The following DHX8 variants were observed in gnomAD, a reference collection of about 807,000 sequenced individuals.
The protein encoded by DHX8 is ATP-dependent RNA helicase DHX8.
A neutral mutation model predicts 140.7 loss-of-function variants in DHX8; 67 were observed. That is an observed-to-expected ratio of 0.48 (90% confidence interval 0.39 to 0.58). DHX8 has a LOEUF of 0.58. Among genes scored for constraint, DHX8 ranks in the 20% least tolerant of loss-of-function variants. DHX8 has a pLI of 0.00. For missense variants in DHX8, 887 were observed against 1,550.7 expected, an observed-to-expected ratio of 0.57 and a Z score of 7.19; for synonymous variants, 533 against 553.2, an observed-to-expected ratio of 0.96 and a Z score of 0.51.
downstream of DHX8, chr17:43,528,637 C>A: frequency 6.2e-7 from 1 of 1,614,128 alleles, no homozygotes; most frequent in Non-Finnish European, 8.5e-7. Flanking sequence ...ACTGACAGGC[C>A]GGTCAAACTC....
chr17:43,487,059 GTTA>G (rs1968201976), intron 1 of DHX8, among the ~76,000 whole-genome samples: 1 of 152,010 alleles, frequency 6.6e-6, no homozygotes, highest in Non-Finnish European at 1.5e-5. Flanking sequence ...GCTCCCCCCA[GTTA>G]TTATTGGGTA....
intron 2 of DHX8, chr17:43,534,024 T>A: frequency 6.8e-7 from 1 of 1,473,804 alleles, no homozygotes; most frequent in Non-Finnish European, 8.9e-7. Context: ...CCAGAGCCTG[T>A]CACACAAGAG....
chr17:43,492,159 C>T (rs752073157), intron 4 of DHX8, 24 bp from the exon 5 acceptor site: 2 of 1,584,162 alleles, frequency 1.3e-6, no homozygotes, highest in Admixed American at 1.7e-5. Context: ...TTTTTCCTAA[C>T]TTTGCCGGCC....
chr17:43,486,984 T>C (rs1176242669), intron 1 of DHX8, among the ~76,000 whole-genome samples: 3 of 152,320 alleles, frequency 2.0e-5, no homozygotes, highest in African/African-American at 4.8e-5. Flanking sequence ...TGGGACTTAG[T>C]TCTCCCTCCA....
chr17:43,529,872 C>T (rs765847968), downstream of DHX8: 7 of 1,614,120 alleles, frequency 4.3e-6, no homozygotes, highest in Non-Finnish European at 5.9e-6. Context: ...CATCAACAGT[C>T]ACTTCTCTGA....
chr17:43,492,843 T>C lies in DHX8; in HGVS notation c.666T>C (p.Tyr222=). ...AGAGGAATAAAGTGAAGTCTAGATA[T>C]CGGTCCAGGAGCAGGAGTCAGAGTC... ...TRERNKVKSR[Y]RSRSRSQSPP... is the part of the protein sequence containing the mutation. Residue 222 remains tyrosine, a synonymous_variant, in exon 6 of 23, where the codon TAT becomes TAC. Coordinates refer to ENST00000262415, the MANE Select transcript of DHX8 (RefSeq NM_004941.3). The C allele has an allele frequency of 6.2e-7, 1 of 1,613,990 alleles. No homozygotes were observed. The highest frequency in any genetic ancestry group is 8.5e-7 in the Non-Finnish European group (1 of 1,180,012).
In DHX8 at chr17:43,496,079, CAG is replaced by C. The variant is rs1968840319; in HGVS notation, c.1213-99_1213-98del. On this transcript the variant is annotated intron_variant, in intron 8 of 22. Coordinates refer to ENST00000262415, the MANE Select transcript of DHX8 (RefSeq NM_004941.3). ...GGTCACTGCACTTCAGCCTGGGTGACAGAGCAAGATCCTGTCTCAAAAAAACA... is the reference window on the plus strand; with the variant it reads ...GGTCACTGCACTTCAGCCTGGGTGACAGCAAGATCCTGTCTCAAAAAAACA... 8.4e-6 allele frequency: 7 copies of C among 829,800 alleles called. No homozygotes were observed. The Admixed American group carries it at 1.2e-4, about 14-fold the overall frequency. 51.4% of individuals were successfully genotyped at this position (829,800 alleles called of 1,614,324 possible).
intron 2 of DHX8, chr17:43,533,043 AGGGGGTT>A: frequency 6.7e-7 from 1 of 1,484,316 alleles, no homozygotes; most frequent in Admixed American, 2.2e-5. Context: ...AATGGGGGGT[AGGGGGTT>A]GGGGTGTCAG....
At chr17:43,492,107 T>C in intron 4 of DHX8, 76 bp from the exon 5 acceptor site, 2 of 976,280 alleles carry the variant, frequency 2.0e-6, no homozygotes, top group Non-Finnish European at 3.3e-6. Context: ...GATTAGTGAT[T>C]TATAGATGTA....
chr17:43,509,246 CT>C (rs1969669466), intron 16 of DHX8, among the ~76,000 whole-genome samples: 1 of 152,104 alleles, frequency 6.6e-6, no homozygotes, highest in Non-Finnish European at 1.5e-5. Context: ...TCCTGGAGAA[CT>C]CTTGAAAGGC....
chr17:43,513,642 A>G, intron 17 of DHX8, 140 bp downstream of exon 17: 1 of 610,042 alleles, frequency 1.6e-6, no homozygotes, highest in Non-Finnish European at 2.4e-6. Flanking sequence ...TGAGGGAAGG[A>G]TTTTTTGTTA....
At chr17:43,518,142 G>A (rs1464790616) in intron 18 of DHX8, 1 of 152,200 alleles carries the variant, frequency 6.6e-6, no homozygotes, top group Non-Finnish European at 1.5e-5. Context: ...GGAAAGATAA[G>A]TGAGATAATG....
At chr17:43,537,226 C>T (rs1971288616) in intron 3 of DHX8, among the ~76,000 whole-genome samples, 1 of 151,480 alleles carries the variant, frequency 6.6e-6, no homozygotes, top group Non-Finnish European at 1.5e-5. Flanking sequence ...CTTAGCTGGT[C>T]GTGTTGGCGG....
chr17:43,503,743 C>G (rs371211151), intron 11 of DHX8, among the ~76,000 whole-genome samples: 6 of 151,908 alleles, frequency 3.9e-5, no homozygotes, highest in East Asian at 1.9e-4. Context: ...GAATAGAACC[C>G]GTAGACATAG....
chr17:43,532,683 A>G, intron 2 of DHX8: 2 of 1,612,070 alleles, frequency 1.2e-6, no homozygotes, highest in Non-Finnish European at 1.7e-6. Flanking sequence ...CCTGAGTCGT[A>G]GGCGAAGTCC....
intron 5 of DHX8, 61 bp from the exon 6 acceptor site, chr17:43,492,620 G>C: frequency 1.0e-6 from 1 of 992,592 alleles, no homozygotes. Flanking sequence ...TGGGTGCTTG[G>C]GGATGCGAAG....
intron 3 of DHX8, among the ~76,000 whole-genome samples, chr17:43,540,968 C>A (rs1463255574): frequency 6.6e-6 from 1 of 152,144 alleles, no homozygotes; most frequent in Non-Finnish European, 1.5e-5. Context: ...CTGGGGGTAT[C>A]TCTTGCTGGC....
rs1488505203 is a variant in DHX8 at position 43,498,851 on chromosome 17, G to A, written c.1301-11G>A. 6.3e-7 allele frequency: 1 copy of A among 1,585,812 alleles called. No individual in the cohort carries two copies. Among genetic ancestry groups the A allele is most frequent in the Non-Finnish European group, 8.6e-7 (1 of 1,167,838 alleles). The stretch of plus-strand genomic sequence containing the variant: ...GTTTATGGCTAATTCTTCTTTTGGG[G>A]GGACTTTTAGATGAGGACCTTGAGA... On this transcript the variant is annotated splice_polypyrimidine_tract_variant and intron_variant, in intron 9 of 22. Transcript: ENST00000262415.
At chr17:43,526,565 T>A (rs1236707475), downstream of DHX8, 1 of 1,535,634 alleles carries the variant, frequency 6.5e-7, no homozygotes, top group South Asian at 1.2e-5. Flanking sequence ...AGTTTGAGGA[T>A]TTGAACAAAG....
Sources: gnomAD v4.1 joint callset for allele counts (sites outside exome capture counted in the v4.1 genomes callset) on GRCh38, gnomAD v4.1.1 for gene constraint, MANE v1.5 for transcripts, NCBI Gene and HGNC (gene_info 2026-07-23, HGNC 2026-07-21) for gene names.